POFUT3: variants seen among roughly 807,000 people sequenced by gnomAD.
POFUT3 encodes protein O-fucosyltransferase 3.
At chr8:33,453,776 A>T in the POFUT3 span, among the ~76,000 whole-genome samples, 2 of 151,818 alleles carry the variant, frequency 1.3e-5, no homozygotes, top group African/African-American at 2.4e-5. Context: ...TGAAACCCCG[A>T]CTCTACTAAA....
At chr8:33,371,482 C>T in the POFUT3 span, 1 of 152,280 alleles carries the variant, frequency 6.6e-6, no homozygotes, top group East Asian at 1.9e-4. Flanking sequence ...CCTCTGGCTG[C>T]CTTCTGAGGC....
the POFUT3 span, among the ~76,000 whole-genome samples, chr8:33,471,895 G>A: frequency 1.3e-5 from 2 of 152,118 alleles, no homozygotes; most frequent in Admixed American, 6.6e-5. Context: ...CTACCCAATC[G>A]CCTCTGGCTT....
At chr8:33,310,381 G>T in the POFUT3 span, among the ~76,000 whole-genome samples, 1 of 152,188 alleles carries the variant, frequency 6.6e-6, no homozygotes, top group Non-Finnish European at 1.5e-5. Context: ...GTCCACAGAT[G>T]TGTTCTCTCA....
At chr8:33,363,289 T>C in the POFUT3 span, among the ~76,000 whole-genome samples, 1 of 152,228 alleles carries the variant, frequency 6.6e-6, no homozygotes, top group East Asian at 1.9e-4. Flanking sequence ...GGGAAATTTA[T>C]ATCACTAAAT....
the POFUT3 span, among the ~76,000 whole-genome samples, chr8:33,404,167 G>A: frequency 3.3e-5 from 5 of 151,988 alleles, no homozygotes; most frequent in African/African-American, 7.2e-5. Flanking sequence ...GCAAAACCCC[G>A]TCTTGACTAA....
the POFUT3 span, chr8:33,452,350 GAAT>G: frequency 2.0e-5 from 3 of 152,034 alleles, no homozygotes; most frequent in African/African-American, 7.2e-5. Context: ...GTATTCCACT[GAAT>G]TTCTATATTA....
the POFUT3 span, among the ~76,000 whole-genome samples, chr8:33,331,821 G>A: frequency 3.3e-5 from 5 of 151,832 alleles, no homozygotes; most frequent in East Asian, 2.0e-4. Context: ...GACTACAGGC[G>A]CCCGCCACCA....
chr8:33,314,900 C>T, the POFUT3 span, among the ~76,000 whole-genome samples: 1 of 152,140 alleles, frequency 6.6e-6, no homozygotes, highest in African/African-American at 2.4e-5. Flanking sequence ...GTTCATAGGG[C>T]TCCTATTGAA....
the POFUT3 span, among the ~76,000 whole-genome samples, chr8:33,426,895 G>A: frequency 6.6e-6 from 1 of 152,190 alleles, no homozygotes; most frequent in Admixed American, 6.5e-5. Flanking sequence ...GCCCCACTCA[G>A]GGCTCACAAG....
chr8:33,312,972 C>T, the POFUT3 span, among the ~76,000 whole-genome samples: 65,319 of 151,966 alleles, frequency 0.43, 15,789 homozygotes, highest in East Asian at 0.8. Flanking sequence ...CATTTATTCA[C>T]TCATTCTATG....
the POFUT3 span, among the ~76,000 whole-genome samples, chr8:33,309,138 TAAAAAAAAAAAAAAAAAAAAAAA>T: frequency 0.13 from 5,318 of 40,956 alleles, 325 homozygotes; most frequent in East Asian, 0.22. Context: ...CTGGGGAGTG[TAAAAAAAAAAAAAAAAAAAAAAA>T]AAAAAAATAT....
chr8:33,372,647 A>C, the POFUT3 span: 166 of 1,613,904 alleles, frequency 1.0e-4, no homozygotes, highest in Non-Finnish European at 1.3e-4. Flanking sequence ...CAGCCACCTT[A>C]GTGCCTGGGC....
At chr8:33,390,012 T>C in the POFUT3 span, among the ~76,000 whole-genome samples, 2 of 152,204 alleles carry the variant, frequency 1.3e-5, no homozygotes, top group Admixed American at 6.5e-5. Context: ...CTGGCCAACA[T>C]GGTGAAACCC....
chr8:33,332,793 T>C, the POFUT3 span, among the ~76,000 whole-genome samples: 3 of 152,164 alleles, frequency 2.0e-5, no homozygotes, highest in African/African-American at 4.8e-5. Context: ...AACAGATAGA[T>C]AGACCAAAAA....
At chr8:33,423,818 T>TAAAAAAAAAAAAAA in the POFUT3 span, among the ~76,000 whole-genome samples, 1 of 70,136 alleles carries the variant, frequency 1.4e-5, no homozygotes, top group African/African-American at 5.6e-5. Flanking sequence ...GCACACCAAG[T>TAAAAAAAAAAAAAA]AAAAAAAAAA....
the POFUT3 span, among the ~76,000 whole-genome samples, chr8:33,415,131 A>G: frequency 6.6e-6 from 1 of 152,022 alleles, no homozygotes; most frequent in Non-Finnish European, 1.5e-5. Flanking sequence ...CTGTGGTGGC[A>G]TGTGCCTGTA....
the POFUT3 span, among the ~76,000 whole-genome samples, chr8:33,358,282 G>C: frequency 6.6e-6 from 1 of 152,022 alleles, no homozygotes; most frequent in Admixed American, 6.6e-5. Flanking sequence ...ATTTTAAAAA[G>C]GGATATTCTG....
chr8:33,365,956 T>C, the POFUT3 span, among the ~76,000 whole-genome samples: 1 of 152,148 alleles, frequency 6.6e-6, no homozygotes, highest in Non-Finnish European at 1.5e-5. Flanking sequence ...CACAGGCACA[T>C]GTATGTTTAT....
At chr8:33,448,409 C>A in the POFUT3 span, among the ~76,000 whole-genome samples, 1 of 152,022 alleles carries the variant, frequency 6.6e-6, no homozygotes, top group South Asian at 2.1e-4. Flanking sequence ...GCATTCCAGC[C>A]TGAGCGACAG....
Sources: allele counts gnomAD v4.1 joint callset (sites outside exome capture counted in the v4.1 genomes callset), GRCh38; gene constraint gnomAD v4.1.1; transcripts MANE v1.5; gene names NCBI Gene and HGNC (gene_info 2026-07-23, HGNC 2026-07-21).